The following MYT1L variants were observed in gnomAD, a reference collection of about 807,000 sequenced individuals.
The protein encoded by MYT1L is myelin transcription factor 1 like.
MYT1L carries 12 observed loss-of-function variants against 126.7 expected under a neutral mutation model. The ratio of observed to expected loss-of-function variants is 0.09; its 90% CI spans 0.06 to 0.15. The LOEUF (loss-of-function observed/expected upper bound fraction) is 0.15. Among genes scored for constraint, MYT1L ranks in the 10% least tolerant of loss-of-function variants. The pLI, the probability that MYT1L is intolerant of heterozygous loss-of-function variation, is 1.00. For synonymous variants in MYT1L, 541 were observed against 604.2 expected (o/e 0.90, Z 1.53); for missense variants, 979 against 1,585.2 (o/e 0.62, Z 6.49).
Position 2,269,633 on chromosome 2 carries a change from C to T in MYT1L, c.-421+14771G>A, listed in dbSNP as rs571103778. On this transcript the variant is annotated intron_variant, in intron 2 of 24. Transcript: ENST00000647738. ...TTCAGCTTTGGAAGCCAAGTGCCAT[C>T]TGCCATTGGTGAGCCCAGTAATCTC... Among the ~76,000 whole-genome samples, 4 of 152,326 alleles carry T rather than the reference C, an allele frequency of 2.6e-5. No homozygotes were observed. In the East Asian group the frequency reaches 7.7e-4, roughly 30 times the overall value.
chr2:2,007,349 T>C (rs770175099), intron 4 of MYT1L, among the ~76,000 whole-genome samples: 14 of 152,192 alleles, frequency 9.2e-5, no homozygotes. Context: ...TTTTGGATAA[T>C]AGCTGTAAAC....
intron 2 of MYT1L, among the ~76,000 whole-genome samples, chr2:2,188,227 C>T (rs2092345602): frequency 6.6e-6 from 1 of 152,094 alleles, no homozygotes; most frequent in African/African-American, 2.4e-5. Context: ...TCAGTATTAC[C>T]GAAAGTTAAT....
intron 8 of MYT1L, among the ~76,000 whole-genome samples, chr2:1,972,411 CTA>C (rs2059877347): frequency 6.6e-6 from 1 of 152,164 alleles, no homozygotes; most frequent in African/African-American, 2.4e-5. Flanking sequence ...AAATTTCTAT[CTA>C]TGTGAAACTG....
rs187462180 is a variant in MYT1L, at chr2:2,255,096, T to C, written c.-421+29308A>G. On this transcript the variant is annotated intron_variant, in intron 2 of 24. Coordinates refer to ENST00000647738, the MANE Select transcript of MYT1L (RefSeq NM_001303052.2). ...TAAAAATAGGCCAAAGGGAAGGGTCTATGGAAAGAGATAATTTTATAGAAA... is the reference window on the plus strand; with the variant it reads ...TAAAAATAGGCCAAAGGGAAGGGTCCATGGAAAGAGATAATTTTATAGAAA... Among the ~76,000 whole-genome samples, 385 of 152,330 alleles carry C rather than the reference T, an allele frequency of 2.5e-3. 1 individual carries two copies. Among genetic ancestry groups the C allele is most frequent in the African/African-American group, 9.0e-3 (373 of 41,568 alleles).
chr2:2,262,931 T>TATAA (rs970472033), intron 2 of MYT1L, among the ~76,000 whole-genome samples: 9 of 43,662 alleles, frequency 2.1e-4, no homozygotes, highest in African/African-American at 9.2e-4. Flanking sequence ...TATATATATA[T>TATAA]AACCTGTGAT....
intron 3 of MYT1L, among the ~76,000 whole-genome samples, chr2:2,083,457 AG>A (rs1197454708): frequency 6.6e-6 from 1 of 152,208 alleles, no homozygotes; most frequent in Non-Finnish European, 1.5e-5. Flanking sequence ...ACAGGCCTGC[AG>A]GGCCCAGGAG....
rs2036588669 is a variant in MYT1L at position 1,811,311 on chromosome 2, C to T, written c.3081-2144G>A. ...ACTGCTGTGTTTGCTGATGATGTTC[C>T]TAGGTTCAGTGGGAGAAGGAGCAGC... On this transcript the variant is annotated intron_variant, in intron 21 of 24. Transcript: ENST00000647738. This position sits in a 1 kb window ranked among gnomAD's most constrained non-coding sequence, Gnocchi z 4.4. The T allele has an allele frequency of 6.6e-6, 1 of 152,034 alleles. No individual in the cohort carries two copies. The allele number at this position is 152,034 out of a possible 1,614,324, so 9.4% of individuals were successfully genotyped here. A position where few individuals can be genotyped will look rare whatever the true frequency, so the allele number is the denominator to read the frequency against.
chr2:1,836,192 G>A (rs1436289522), intron 21 of MYT1L, among the ~76,000 whole-genome samples: 5 of 152,058 alleles, frequency 3.3e-5, no homozygotes, highest in African/African-American at 9.7e-5. Flanking sequence ...ACTCACTGAC[G>A]TGGCCTGTGG....
chr2:1,903,428 CTTT>C, intron 13 of MYT1L, 134 bp from the exon 14 acceptor site: 1 of 697,872 alleles, frequency 1.4e-6, no homozygotes, highest in Non-Finnish European at 2.4e-6. Flanking sequence ...AAAACTACAA[CTTT>C]TTTATTTTCT....
At position 1,892,190 on chromosome 2, in the gene MYT1L, G is replaced by T; in HGVS notation, c.2130C>A (p.Ser710Arg). The change falls in exon 15 of 25, where the codon AGC becomes AGA. Residue 710 changes from serine to arginine, a missense_variant. Ser to Arg is a moderately radical substitution (Grantham distance 110). This residue lies in a region of MYT1L where 57 missense variants were observed against 60.3 expected (regional missense o/e 0.94). Transcript: ENST00000647738. ...SSNLSCGGGS[S>R]ASSTCSKSSF... is the part of the protein sequence containing the mutation. ...TGCTCTTGCTGCACGTGCTGCTGGC[G>T]CTGCTGCCCCCGCCGCAGCTCAGGT... is the stretch of plus-strand genomic sequence containing the variant. 6.5e-7 allele frequency: 1 copy of T among 1,549,470 alleles called. No homozygotes were observed.
intron 3 of MYT1L, among the ~76,000 whole-genome samples, chr2:2,096,034 A>G (rs911266706): frequency 9.2e-5 from 14 of 152,232 alleles, no homozygotes; most frequent in African/African-American, 3.1e-4. Context: ...TGGTTCACGC[A>G]TGCTTAATAA....
intron 4 of MYT1L, among the ~76,000 whole-genome samples, chr2:2,043,245 G>A (rs932975151): frequency 6.6e-6 from 1 of 151,876 alleles, no homozygotes; most frequent in African/African-American, 2.4e-5. Context: ...CCCCTGCCTC[G>A]GCCACCTAGT....
chr2:1,908,955 T>C lies in MYT1L; in HGVS notation c.1817+1285A>G, dbSNP rs1252195928. Among the ~76,000 whole-genome samples the C allele has an allele frequency of 2.6e-5, 4 of 152,208 alleles. No individual in the cohort carries two copies. In the East Asian group the frequency reaches 7.7e-4, roughly 29 times the overall value. Reference sequence around the variant, plus strand: ...TTATTTTTGCTTAAATAAATATTTATAATTTTCTGTAAAGATTTTAACTTT... The same window carrying C: ...TTATTTTTGCTTAAATAAATATTTACAATTTTCTGTAAAGATTTTAACTTT... On this transcript the variant is annotated intron_variant, in intron 13 of 24. Transcript: ENST00000647738.
In MYT1L at chr2:1,996,378, G is replaced by C. The variant is rs938659832; in HGVS notation, c.-1+813C>G. Among the ~76,000 whole-genome samples the C allele has an allele frequency of 3.3e-5, 5 of 150,722 alleles. No individual in the cohort carries two copies. In the Middle Eastern group the frequency reaches 0.01, roughly 314 times the overall value. On this transcript the variant is annotated intron_variant, in intron 5 of 24. Transcript: ENST00000647738. ...AGTGTAGACGGGCCACCTTTACCTA[G>C]TGAGTGAGGGCCGTCTTGCCTCAGT...
At chr2:2,026,187 A>G (rs2065541018) in intron 4 of MYT1L, among the ~76,000 whole-genome samples, 1 of 152,180 alleles carries the variant, frequency 6.6e-6, no homozygotes, top group Non-Finnish European at 1.5e-5. Flanking sequence ...TTAAAACTTA[A>G]AAACACATTT....
intron 1 of MYT1L, among the ~76,000 whole-genome samples, chr2:2,302,968 T>C (rs1341876199): frequency 6.6e-6 from 1 of 152,208 alleles, no homozygotes; most frequent in African/African-American, 2.4e-5. Flanking sequence ...TATTTATTTT[T>C]AGTCATTCAA....
intron 21 of MYT1L, among the ~76,000 whole-genome samples, chr2:1,833,897 C>T (rs888259236): frequency 4.7e-4 from 72 of 152,358 alleles, no homozygotes; most frequent in African/African-American, 1.6e-3. Flanking sequence ...TGCGCCAGGA[C>T]TCCCCATGAA....
At chr2:2,229,069 G>A (rs1157881965) in intron 2 of MYT1L, among the ~76,000 whole-genome samples, 1 of 152,128 alleles carries the variant, frequency 6.6e-6, no homozygotes, top group Non-Finnish European at 1.5e-5. Context: ...GTATCACTCT[G>A]TGTATACACA....
At chr2:2,195,469 G>C (rs1473409884) in intron 2 of MYT1L, among the ~76,000 whole-genome samples, 3 of 152,132 alleles carry the variant, frequency 2.0e-5, no homozygotes, top group Admixed American at 6.6e-5. Context: ...AATCTTTTCT[G>C]TAAGAAGATA....
Sources: allele counts gnomAD v4.1 joint callset (sites outside exome capture counted in the v4.1 genomes callset), GRCh38; gene constraint gnomAD v4.1.1; regional missense constraint gnomAD v4.1.1; non-coding constraint Gnocchi (gnomAD v3.1); transcripts MANE v1.5; gene names NCBI Gene and HGNC (gene_info 2026-07-23, HGNC 2026-07-21).